Variants in CREBBP observed in about 807,000 individuals in gnomAD.
CREBBP encodes CREB-binding protein.
CREBBP carries 19 observed loss-of-function variants against 265.0 expected under a neutral mutation model. The observed-to-expected ratio is 0.07, with a 90% CI of 0.05 to 0.11. The LOEUF (loss-of-function observed/expected upper bound fraction) is 0.11. CREBBP is among the 10% of genes least tolerant of loss of function. CREBBP has a pLI of 1.00. For synonymous variants in CREBBP, 1,457 were observed against 1,223.7 expected (o/e 1.19, Z -3.98); for missense variants, 2,525 against 3,219.0 (o/e 0.78, Z 5.22).
At chr16:3,829,961 A>G (rs753957066) in intron 2 of CREBBP, among the ~76,000 whole-genome samples, 18 of 152,258 alleles carry the variant, frequency 1.2e-4, no homozygotes, top group Non-Finnish European at 2.4e-4. Flanking sequence ...CAGAAAACAA[A>G]TAAGATGAGA....
chr16:3,770,869 A>G lies in CREBBP; in HGVS notation c.2581T>C (p.Ser861Pro), dbSNP rs2141203274. The G allele has an allele frequency of 6.2e-7, 1 of 1,613,758 alleles. No individual in the cohort carries two copies. The highest frequency in any genetic ancestry group is 8.5e-7 in the Non-Finnish European group (1 of 1,179,972). The change falls in exon 14 of 31, where the codon TCC becomes CCC. Residue 861 changes from serine (S) to proline (P), a missense_variant. By Grantham distance (74) the Ser-to-Pro change is moderately conservative. Transcript: ENST00000262367. ...SPLHPTPPPA[S>P]TAAGMPSLQH... is the part of the protein sequence containing the mutation. ...AGAGATGGCATGCCAGCAGCCGTGG[A>G]AGCAGGAGGCGGTGTTGGGTGCAGT...
chr16:3,776,986 C>T (rs2053155211), intron 11 of CREBBP, among the ~76,000 whole-genome samples: 1 of 150,090 alleles, frequency 6.7e-6, no homozygotes, highest in Non-Finnish European at 1.5e-5. Flanking sequence ...CCACTGCACT[C>T]CAGCCTGGGC....
intron 2 of CREBBP, among the ~76,000 whole-genome samples, chr16:3,823,745 G>A (rs1474892783): frequency 6.6e-6 from 1 of 152,110 alleles, no homozygotes; most frequent in Non-Finnish European, 1.5e-5. Flanking sequence ...GGAGCAGCAA[G>A]CAAGAGACTG....
chr16:3,759,649 A>C (rs1435944924), intron 16 of CREBBP, among the ~76,000 whole-genome samples: 1 of 151,856 alleles, frequency 6.6e-6, no homozygotes, highest in African/African-American at 2.4e-5. Context: ...AAAGTTTTTT[A>C]TCCTTGGCTA....
intron 1 of CREBBP, among the ~76,000 whole-genome samples, chr16:3,878,239 A>G (rs1373489904): frequency 1.3e-5 from 2 of 152,244 alleles, no homozygotes; most frequent in African/African-American, 4.8e-5. Context: ...AAGACTACTC[A>G]AACACAGCAA....
At chr16:3,863,330 C>T (rs1374829158) in intron 1 of CREBBP, among the ~76,000 whole-genome samples, 1 of 152,146 alleles carries the variant, frequency 6.6e-6, no homozygotes. Flanking sequence ...GGGCCAGGCA[C>T]AGTAGCTCAT....
At chr16:3,848,392 C>T (rs1597048314) in intron 2 of CREBBP, among the ~76,000 whole-genome samples, 1 of 152,260 alleles carries the variant, frequency 6.6e-6, no homozygotes, top group East Asian at 1.9e-4. Context: ...AAACTATTTC[C>T]ATAAAATCCT....
chr16:3,773,934 C>T lies in CREBBP; in HGVS notation c.2284-4G>A, dbSNP rs200764566. 3.7e-6 allele frequency: 6 copies of T among 1,612,038 alleles called. No homozygotes were observed. Among genetic ancestry groups the T allele is most frequent in the East Asian group, 2.2e-5 (1 of 44,894 alleles). ...TTCGGGAAGGAGAAATGGCCATCTA[C>T]GAGACAACAAGCACCACCAGAGCTG... is the stretch of plus-strand genomic sequence containing the variant. On this transcript the variant is annotated splice_polypyrimidine_tract_variant and splice_region_variant and intron_variant, in intron 12 of 30. Transcript: ENST00000262367.
At chr16:3,778,271 C>T in intron 9 of CREBBP, 89 bp from the exon 10 acceptor site, 1 of 1,095,446 alleles carries the variant, frequency 9.1e-7, no homozygotes, top group East Asian at 2.4e-5. Flanking sequence ...TAATGAACTT[C>T]CTCATTGAGT....
At chr16:3,794,152 C>T (rs1381871757) in intron 3 of CREBBP, among the ~76,000 whole-genome samples, 6 of 151,642 alleles carry the variant, frequency 4.0e-5, no homozygotes, top group African/African-American at 1.5e-4. Context: ...ACGATGAGAC[C>T]TCATCTCTAC....
Position 3,777,040 on chromosome 16 carries a change from T to G in CREBBP, c.2158+573A>C, listed in dbSNP as rs137980290. ...CTCAAAAAAATAAAAGAAAAGAAAATAAAGTAAAATAAAAAGCTAAGGCCG... is the reference window on the plus strand; with the variant it reads ...CTCAAAAAAATAAAAGAAAAGAAAAGAAAGTAAAATAAAAAGCTAAGGCCG... On this transcript the variant is annotated intron_variant, in intron 11 of 30. Transcript: ENST00000262367. Among the ~76,000 whole-genome samples, 1,093 of 125,314 alleles carry G rather than the reference T, an allele frequency of 8.7e-3. 9 individuals carry two copies. Among genetic ancestry groups the G allele is most frequent in the Middle Eastern group, 0.037 (6 of 164 alleles). 82.2% of individuals were successfully genotyped at this position (125,314 alleles called of 152,430 possible).
intron 1 of CREBBP, among the ~76,000 whole-genome samples, chr16:3,852,919 G>A (rs1314659495): frequency 1.3e-5 from 2 of 149,132 alleles, no homozygotes; most frequent in African/African-American, 5.0e-5. Flanking sequence ...TATGTGCAAG[G>A]AAGAAGTATG....
intron 2 of CREBBP, among the ~76,000 whole-genome samples, chr16:3,831,076 GAT>G (rs1359276495): frequency 9.2e-5 from 14 of 152,262 alleles, no homozygotes; most frequent in African/African-American, 3.4e-4. Context: ...CACTGCGCCT[GAT>G]CATTCTTTTC....
rs568717005 is a variant in CREBBP, at chr16:3,803,166, T to TA, written c.975+7436dup. 2.1e-3 allele frequency among the ~76,000 whole-genome samples: 313 copies of TA among 150,764 alleles called. 1 individual carries two copies. The highest frequency in any genetic ancestry group is 6.7e-3 in the African/African-American group (276 of 40,924). ...TTGCTTTGTGTTTATTGATTTTTTTTAAAAAAATAAGATTATCTTAAAATT... is the reference window on the plus strand; with the variant it reads ...TTGCTTTGTGTTTATTGATTTTTTTTAAAAAAAATAAGATTATCTTAAAATT... On this transcript the variant is annotated intron_variant, in intron 3 of 30. Coordinates refer to ENST00000262367, the MANE Select transcript of CREBBP (RefSeq NM_004380.3).
chr16:3,851,288 C>CAA (rs1299749572), intron 1 of CREBBP, among the ~76,000 whole-genome samples: 6 of 22,810 alleles, frequency 2.6e-4, no homozygotes, highest in South Asian at 1.4e-3. Context: ...AACACCGTCT[C>CAA]AAAAAAAAAA....
At chr16:3,819,014 T>C (rs1400478445) in intron 2 of CREBBP, among the ~76,000 whole-genome samples, 1 of 152,230 alleles carries the variant, frequency 6.6e-6, no homozygotes, top group Non-Finnish European at 1.5e-5. Context: ...CTCTGTCTCC[T>C]TCAAGTTCAC....
At chr16:3,870,522 T>TA (rs766458857) in intron 1 of CREBBP, among the ~76,000 whole-genome samples, 2 of 152,136 alleles carry the variant, frequency 1.3e-5, no homozygotes, top group African/African-American at 2.4e-5. Flanking sequence ...AATTTTCCAA[T>TA]AAAAAACAGT....
At chr16:3,757,433 AT>A in intron 18 of CREBBP, 57 bp from the exon 19 acceptor site, 3 of 1,366,868 alleles carry the variant, frequency 2.2e-6, no homozygotes, top group Non-Finnish European at 3.1e-6. Context: ...TTACTGTCTT[AT>A]AATGTTCTAG....
At chr16:3,855,752 G>A (rs896323346) in intron 1 of CREBBP, among the ~76,000 whole-genome samples, 1 of 152,078 alleles carries the variant, frequency 6.6e-6, no homozygotes, top group Non-Finnish European at 1.5e-5. Flanking sequence ...TGCTTCTGAG[G>A]GTTCCAATCC....
Sources: allele counts gnomAD v4.1 joint callset (sites outside exome capture counted in the v4.1 genomes callset), GRCh38; gene constraint gnomAD v4.1.1; transcripts MANE v1.5; gene names NCBI Gene and HGNC (gene_info 2026-07-23, HGNC 2026-07-21).